PTPRD: variants seen among roughly 807,000 people sequenced by gnomAD.
The protein encoded by PTPRD is receptor-type tyrosine-protein phosphatase delta.
In PTPRD, 34 loss-of-function variants were observed where a neutral mutation model predicts 214.5. The ratio of observed to expected loss-of-function variants is 0.16; its 90% CI spans 0.12 to 0.21. The LOEUF is 0.21. PTPRD is among the 10% of genes least tolerant of loss of function. The pLI is 1.00. For synonymous variants in PTPRD, 1,128 were observed against 845.7 expected (o/e 1.33, Z -5.79); for missense variants, 2,545 against 2,398.7 (o/e 1.06, Z -1.27).
intron 4 of PTPRD, among the ~76,000 whole-genome samples, chr9:9,981,112 A>G (rs1019615911): frequency 6.6e-6 from 1 of 152,088 alleles, no homozygotes; most frequent in African/African-American, 2.4e-5. Flanking sequence ...ATTATTTTTT[A>G]GTGGAGGAAT....
rs140073875 is a variant in PTPRD, at chr9:9,631,640, T to C, written c.-286-56859A>G. On this transcript the variant is annotated intron_variant, in intron 7 of 45. Coordinates refer to ENST00000381196, the MANE Select transcript of PTPRD (RefSeq NM_002839.4). Reference sequence around the variant, plus strand: ...CCTCACCCAGCGCAGACACAAGCAATGTCAGGTAACATAGGGAAAGGAGCA... The same window carrying C: ...CCTCACCCAGCGCAGACACAAGCAACGTCAGGTAACATAGGGAAAGGAGCA... Among the ~76,000 whole-genome samples, 85 of 152,224 alleles carry C rather than the reference T, an allele frequency of 5.6e-4. 1 individual carries two copies. The highest frequency in any genetic ancestry group is 1.9e-3 in the African/African-American group (81 of 41,546).
intron 2 of PTPRD, among the ~76,000 whole-genome samples, chr9:10,389,803 T>G (rs1203452977): frequency 6.6e-6 from 1 of 151,856 alleles, no homozygotes; most frequent in Admixed American, 6.6e-5. Flanking sequence ...GGTTTCTCCA[T>G]GTAATTTTAA....
rs533720610 is a variant in PTPRD at position 10,492,262 on chromosome 9, G to C, written c.-600+120136C>G. On this transcript the variant is annotated intron_variant, in intron 2 of 45. Transcript: ENST00000381196. Reference sequence around the variant, plus strand: ...ATGGCTGGGTCAAATGGTATTACTGGTTCTAGATCCTTAAGAATTGCCACA... The same window carrying C: ...ATGGCTGGGTCAAATGGTATTACTGCTTCTAGATCCTTAAGAATTGCCACA... Among the ~76,000 whole-genome samples the C allele has an allele frequency of 5.7e-4, 87 of 152,170 alleles. 2 individuals are homozygous for C. The South Asian group carries it at 0.017, about 29-fold the overall frequency.
Position 10,220,849 on chromosome 9 carries a change from T to G in PTPRD, c.-545+120114A>C, listed in dbSNP as rs1056190370. On this transcript the variant is annotated intron_variant, in intron 3 of 45. Transcript: ENST00000381196. ...TATAAATGGCATTAAATTTATGCAA[T>G]TTTGAAGTATGAGACTCAGGCTTGG... 2.6e-5 allele frequency among the ~76,000 whole-genome samples: 4 copies of G among 151,906 alleles called. No individual in the cohort carries two copies. In the East Asian group the frequency reaches 7.8e-4, roughly 29 times the overall value.
intron 11 of PTPRD, among the ~76,000 whole-genome samples, chr9:8,950,383 G>C (rs1443392072): frequency 2.0e-5 from 3 of 151,830 alleles, no homozygotes; most frequent in Non-Finnish European, 4.4e-5. Context: ...TTTTAATTTA[G>C]GAACATATGG....
intron 12 of PTPRD, among the ~76,000 whole-genome samples, chr9:8,707,917 T>C (rs1468221150): frequency 6.6e-6 from 1 of 152,224 alleles, no homozygotes; most frequent in Non-Finnish European, 1.5e-5. Context: ...ATGATCATAG[T>C]GCAAGTTTCC....
At chr9:10,434,678 C>G (rs1189849046) in intron 2 of PTPRD, among the ~76,000 whole-genome samples, 1 of 151,878 alleles carries the variant, frequency 6.6e-6, no homozygotes, top group East Asian at 1.9e-4. Flanking sequence ...AGTTAAATAA[C>G]TTTTCTTTCA....
chr9:9,008,580 T>A (rs969974462), intron 11 of PTPRD, among the ~76,000 whole-genome samples: 5 of 151,946 alleles, frequency 3.3e-5, no homozygotes, highest in African/African-American at 1.2e-4. Context: ...GACAATTCTA[T>A]GGAAAAAAAG....
chr9:10,129,206 T>C (rs1014231012), intron 3 of PTPRD, among the ~76,000 whole-genome samples: 9 of 152,196 alleles, frequency 5.9e-5, no homozygotes, highest in African/African-American at 1.7e-4. Flanking sequence ...TGTTTATAGA[T>C]AATTTTTGTT....
chr9:8,591,371 G>A (rs2094094815), intron 14 of PTPRD, among the ~76,000 whole-genome samples: 1 of 152,130 alleles, frequency 6.6e-6, no homozygotes, highest in Non-Finnish European at 1.5e-5. Flanking sequence ...GCCTGTGAAT[G>A]GTGAAAACTT....
intron 2 of PTPRD, among the ~76,000 whole-genome samples, chr9:10,433,387 C>T (rs1340536542): frequency 2.6e-5 from 4 of 151,914 alleles, no homozygotes; most frequent in Non-Finnish European, 5.9e-5. Context: ...GTATATAAAA[C>T]ACCTACTAGT....
chr9:9,465,189 C>G (rs1048088593), intron 8 of PTPRD, among the ~76,000 whole-genome samples: 1 of 152,066 alleles, frequency 6.6e-6, no homozygotes, highest in Non-Finnish European at 1.5e-5. Flanking sequence ...TAGAAATGTA[C>G]CAGGTAATCA....
At chr9:10,155,383 G>A (rs558114641) in intron 3 of PTPRD, among the ~76,000 whole-genome samples, 1 of 152,170 alleles carries the variant, frequency 6.6e-6, no homozygotes, top group East Asian at 1.9e-4. Flanking sequence ...ATGGAGTCAT[G>A]TTGTCTGCCA....
chr9:8,619,482 T>C (rs1007392670), intron 14 of PTPRD, among the ~76,000 whole-genome samples: 1 of 151,970 alleles, frequency 6.6e-6, no homozygotes, highest in Admixed American at 6.6e-5. Flanking sequence ...TCAATTACCA[T>C]AATATTTTAC....
At chr9:8,622,083 G>A (rs1000588377) in intron 14 of PTPRD, among the ~76,000 whole-genome samples, 4 of 148,110 alleles carry the variant, frequency 2.7e-5, no homozygotes, top group Non-Finnish European at 4.5e-5. Context: ...GGTATGCTCT[G>A]TCATCTCCAC....
chr9:10,455,947 A>C (rs1030450255), intron 2 of PTPRD, among the ~76,000 whole-genome samples: 38 of 151,964 alleles, frequency 2.5e-4, no homozygotes, highest in African/African-American at 8.7e-4. Context: ...GTTTGTTTCT[A>C]ATCCCTTGTT....
At chr9:10,592,726 G>T (rs760954452) in intron 2 of PTPRD, among the ~76,000 whole-genome samples, 1 of 151,948 alleles carries the variant, frequency 6.6e-6, no homozygotes, top group Non-Finnish European at 1.5e-5. Flanking sequence ...GCGCTTTGTA[G>T]CTAGCAAGAA....
At chr9:9,884,937 T>A (rs997853488) in intron 5 of PTPRD, among the ~76,000 whole-genome samples, 1 of 152,096 alleles carries the variant, frequency 6.6e-6, no homozygotes, top group Admixed American at 6.6e-5. Context: ...TTACCCAGTC[T>A]CATGTATGTC....
intron 7 of PTPRD, among the ~76,000 whole-genome samples, chr9:9,588,334 T>G (rs932386421): frequency 6.6e-6 from 1 of 151,942 alleles, no homozygotes; most frequent in Non-Finnish European, 1.5e-5. Flanking sequence ...TTGCTTCTAC[T>G]GAGTTACATT....
Sources: gnomAD v4.1 joint callset for allele counts (sites outside exome capture counted in the v4.1 genomes callset) on GRCh38, gnomAD v4.1.1 for gene constraint, MANE v1.5 for transcripts, NCBI Gene and HGNC (gene_info 2026-07-23, HGNC 2026-07-21) for gene names.